VSTM2B: variants seen among roughly 807,000 people sequenced by gnomAD.
VSTM2B encodes V-set and transmembrane domain containing 2B, also known as V-set and transmembrane domain-containing protein 2B.
In VSTM2B, 24 loss-of-function variants were observed where a neutral mutation model predicts 24.0. The observed-to-expected ratio is 1.00, with a 90% CI of 0.72 to 1.40. The LOEUF (loss-of-function observed/expected upper bound fraction) is 1.40. Ranked by LOEUF, VSTM2B falls within the 40% of genes most tolerant of loss-of-function variation. The probability of loss-of-function intolerance (pLI) is 0.00; values close to 1 mark genes in which losing one functional copy is unlikely to be tolerated. For synonymous variants in VSTM2B, 226 were observed against 194.4 expected, an observed-to-expected ratio of 1.16 and a Z score of -1.35; for missense variants, 399 against 416.4, an observed-to-expected ratio of 0.96 and a Z score of 0.36.
chr19:29,529,742 GGGCGCGACGGCCAGGGT>G (rs1969683464), intron 3 of VSTM2B, 60 bp from the exon 4 acceptor site: 1 of 1,404,646 alleles, frequency 7.1e-7, no homozygotes, highest in Non-Finnish European at 9.7e-7. Flanking sequence ...GCGGATGAGG[GGGCGCGACGGCCAGGGT>G]GGCCAGAAGA....
intron 4 of VSTM2B, among the ~76,000 whole-genome samples, chr19:29,560,005 A>G (rs1244179098): frequency 6.6e-6 from 1 of 152,122 alleles, no homozygotes; most frequent in Non-Finnish European, 1.5e-5. Context: ...AATTGAGGCC[A>G]TGTTGGTCTA....
At chr19:29,541,811 G>A (rs1261901196) in intron 4 of VSTM2B, among the ~76,000 whole-genome samples, 1 of 152,074 alleles carries the variant, frequency 6.6e-6, no homozygotes, top group African/African-American at 2.4e-5. Context: ...GTGAATGAGT[G>A]GGAGAATGAA....
At chr19:29,527,484 A>C in intron 2 of VSTM2B, 89 bp downstream of exon 2, 1 of 1,232,390 alleles carries the variant, frequency 8.1e-7, no homozygotes, top group Non-Finnish European at 1.1e-6. Flanking sequence ...AGCGGGCTTC[A>C]CTCGCGCAGG....
chr19:29,541,578 GAATGGATGGAATAATA>G (rs1179183009), intron 4 of VSTM2B, among the ~76,000 whole-genome samples: 4 of 152,098 alleles, frequency 2.6e-5, no homozygotes, highest in African/African-American at 9.7e-5. Flanking sequence ...ATGGGATAAT[GAATGGATGGAATAATA>G]AATGGATGGG....
chr19:29,529,760 G>A (rs1969683875), intron 3 of VSTM2B, 59 bp from the exon 4 acceptor site: 6 of 1,501,346 alleles, frequency 4.0e-6, no homozygotes, highest in Non-Finnish European at 5.4e-6. Context: ...CGGCCAGGGT[G>A]GCCAGAAGAG....
rs1178275451 is a variant in VSTM2B at position 29,527,229 on chromosome 19, C to G, written c.101C>G (p.Pro34Arg). Residue 34 changes from proline (P) to arginine (R), a missense_variant, in exon 2 of 5, where the codon CCC (proline) becomes CGC (arginine). Pro to Arg is a moderately radical substitution (Grantham distance 103, BLOSUM62 -2). Coordinates refer to ENST00000335523, the MANE Select transcript of VSTM2B (RefSeq NM_001146339.2). ...FVADAAFTEVPKDVTVREGDD... is the reference protein window; with the variant it reads ...FVADAAFTEVRKDVTVREGDD... The stretch of plus-strand genomic sequence containing the variant: ...CCCCCAGCTGCATTCACAGAAGTCC[C>G]CAAAGATGTGACAGTACGGGAGGGA... 9 of 1,549,390 alleles carry G rather than the reference C, an allele frequency of 5.8e-6. No homozygotes were observed. The highest frequency in any genetic ancestry group is 4.1e-5 in the African/African-American group (3 of 72,914).
At chr19:29,528,188 G>T (rs1389635453) in intron 2 of VSTM2B, among the ~76,000 whole-genome samples, 1 of 152,210 alleles carries the variant, frequency 6.6e-6, no homozygotes, top group Non-Finnish European at 1.5e-5. Flanking sequence ...AGTCTCCCCA[G>T]TTCAGCCGGC....
At chr19:29,551,261 C>T (rs1472423284) in intron 4 of VSTM2B, among the ~76,000 whole-genome samples, 3 of 152,262 alleles carry the variant, frequency 2.0e-5, no homozygotes, top group East Asian at 1.9e-4. Context: ...AGCTAACTCA[C>T]AGGCTTGGGC....
chr19:29,557,395 A>G (rs996560384), intron 4 of VSTM2B, among the ~76,000 whole-genome samples: 2 of 152,206 alleles, frequency 1.3e-5, no homozygotes, highest in South Asian at 4.1e-4. Context: ...TTAACTCAAG[A>G]TAGATTAAAG....
intron 4 of VSTM2B, among the ~76,000 whole-genome samples, chr19:29,556,351 C>G (rs181017118): frequency 1.3e-5 from 2 of 152,324 alleles, no homozygotes; most frequent in African/African-American, 4.8e-5. Flanking sequence ...ATGTCAAAAA[C>G]TCTCAATTAA....
At chr19:29,551,446 T>C (rs961225476) in intron 4 of VSTM2B, among the ~76,000 whole-genome samples, 5 of 150,526 alleles carry the variant, frequency 3.3e-5, no homozygotes, top group African/African-American at 2.4e-5. Flanking sequence ...GCACCTTTAG[T>C]GTGCTTATGG....
In VSTM2B at chr19:29,526,987, C is replaced by T; in HGVS notation, c.83-224C>T. The stretch of plus-strand genomic sequence containing the variant: ...AGAAGCACGAGTCGCCCCTGCCGCC[C>T]CGCCCCATCCGGAGGGAAGCAGTAG... On this transcript the variant is annotated intron_variant, in intron 1 of 4. Transcript: ENST00000335523. This position sits in a 1 kb window ranked among gnomAD's most constrained non-coding sequence, Gnocchi z 4.1. The T allele has an allele frequency of 2.0e-6, 1 of 496,586 alleles. No individual in the cohort carries two copies. The highest frequency in any genetic ancestry group is 3.5e-6 in the Non-Finnish European group (1 of 286,726). The allele number at this position is 496,586 out of a possible 1,614,324, so 30.8% of individuals were successfully genotyped here.
chr19:29,551,371 A>G (rs934120741), intron 4 of VSTM2B, among the ~76,000 whole-genome samples: 13 of 148,054 alleles, frequency 8.8e-5, no homozygotes, highest in African/African-American at 3.3e-4. Context: ...TCTGGCAGGG[A>G]TTTGGAATTC....
chr19:29,533,846 G>C (rs949562136), intron 4 of VSTM2B, among the ~76,000 whole-genome samples: 3 of 152,246 alleles, frequency 2.0e-5, no homozygotes, highest in African/African-American at 7.2e-5. Context: ...CTGAGAGGCA[G>C]CAAGCCAGCT....
intron 4 of VSTM2B, among the ~76,000 whole-genome samples, chr19:29,554,813 A>G (rs62104167): frequency 6.6e-6 from 1 of 152,214 alleles, no homozygotes; most frequent in Non-Finnish European, 1.5e-5. Context: ...GATCAAAAAG[A>G]CAAAGGGCAT....
intron 3 of VSTM2B, chr19:29,528,906 C>A: frequency 1.0e-6 from 1 of 985,248 alleles, no homozygotes; most frequent in South Asian, 4.7e-5. Context: ...CTTTATCCTC[C>A]GCCTGGATTG....
At position 29,526,554 on chromosome 19, in the gene VSTM2B, C is replaced by T. The variant is rs749516091; in HGVS notation, c.-30C>T. ...CGGCCGCCGCCTCTCCGCTCCCGGGCCCCCGCCGCCACCGCGCCCCCCGCG... is the reference window on the plus strand; with the variant it reads ...CGGCCGCCGCCTCTCCGCTCCCGGGTCCCCGCCGCCACCGCGCCCCCCGCG... On this transcript the variant is annotated 5_prime_UTR_variant, in exon 1 of 5. Coordinates refer to ENST00000335523, the MANE Select transcript of VSTM2B (RefSeq NM_001146339.2). This position sits in a 1 kb window ranked among gnomAD's most constrained non-coding sequence, Gnocchi z 4.1. 58 of 1,489,106 alleles carry T rather than the reference C, an allele frequency of 3.9e-5. No homozygotes were observed. The highest frequency in any genetic ancestry group is 2.3e-4 in the Middle Eastern group (1 of 4,316). 92.2% of individuals were successfully genotyped at this position (1,489,106 alleles called of 1,614,324 possible). A position where few individuals can be genotyped will look rare whatever the true frequency, so the allele number is the denominator to read the frequency against.
In VSTM2B at chr19:29,526,545, G is replaced by A. The variant is rs1555747222; in HGVS notation, c.-39G>A. The A allele has an allele frequency of 2.0e-6, 3 of 1,478,056 alleles. No homozygotes were observed. The East Asian group carries it at 8.4e-5, about 41-fold the overall frequency. The allele number at this position is 1,478,056 out of a possible 1,614,324, so 91.6% of individuals were successfully genotyped here. A position where few individuals can be genotyped will look rare whatever the true frequency, so the allele number is the denominator to read the frequency against. On this transcript the variant is annotated 5_prime_UTR_variant, in exon 1 of 5. Transcript: ENST00000335523. The surrounding 1 kb of genome is among the most constrained non-coding windows in gnomAD (Gnocchi z 4.1). The stretch of plus-strand genomic sequence containing the variant: ...GAGCCCACGCGGCCGCCGCCTCTCC[G>A]CTCCCGGGCCCCCGCCGCCACCGCG...
At chr19:29,537,185 C>A (rs1039310332) in intron 4 of VSTM2B, among the ~76,000 whole-genome samples, 1 of 152,092 alleles carries the variant, frequency 6.6e-6, no homozygotes, top group Non-Finnish European at 1.5e-5. Context: ...CCTGACTATT[C>A]CTGATGAAGA....
Sources: gnomAD v4.1 joint callset for allele counts (sites outside exome capture counted in the v4.1 genomes callset) on GRCh38, gnomAD v4.1.1 for gene constraint, Gnocchi (gnomAD v3.1) non-coding constraint, MANE v1.5 for transcripts, NCBI Gene and HGNC (gene_info 2026-07-23, HGNC 2026-07-21) for gene names.